Variants in ZNF423 observed in about 807,000 individuals in gnomAD.
The protein encoded by ZNF423 is zinc finger protein 423.
ZNF423 carries 12 observed loss-of-function variants against 95.8 expected under a neutral mutation model. The observed-to-expected ratio is 0.13, with a 90% CI of 0.08 to 0.20. The LOEUF (loss-of-function observed/expected upper bound fraction) is 0.20, where lower values mean the gene tolerates loss of function less well. Among genes scored for constraint, ZNF423 ranks in the 10% least tolerant of loss-of-function variants. ZNF423 has a pLI of 1.00. For missense variants in ZNF423, 1,316 were observed against 1,737.1 expected (o/e 0.76, Z 4.31); for synonymous variants, 749 against 711.9 (o/e 1.05, Z -0.83).
chr16:49,678,019 CT>C (rs2031192435), intron 3 of ZNF423, among the ~76,000 whole-genome samples: 1 of 151,874 alleles, frequency 6.6e-6, no homozygotes, highest in Non-Finnish European at 1.5e-5. Context: ...CCTGTCTCTA[CT>C]AAAAAGACAA....
chr16:49,629,905 A>G (rs11642962), intron 4 of ZNF423, among the ~76,000 whole-genome samples: 3,976 of 152,298 alleles, frequency 0.026, 95 homozygotes, highest in Non-Finnish European at 0.045. Flanking sequence ...TATTACGATT[A>G]TTATTGGCGC....
chr16:49,731,097 C>T lies in ZNF423; in HGVS notation c.101-126G>A, dbSNP rs2033156588. The T allele has an allele frequency of 2.8e-5, 31 of 1,091,464 alleles. No individual in the cohort carries two copies. The South Asian group carries it at 4.7e-4, about 17-fold the overall frequency. The allele number at this position is 1,091,464 out of a possible 1,614,324, so 67.6% of individuals were successfully genotyped here. A position where few individuals can be genotyped will look rare whatever the true frequency, so the allele number is the denominator to read the frequency against. ...ACCTCCCGGGGTCCATTATCCTTGA[C>T]ACCTCTCAGTATATTAATAGATGGG... On this transcript the variant is annotated intron_variant, in intron 2 of 7. Transcript: ENST00000563137.
At chr16:49,794,519 G>A (rs1476340583) in intron 1 of ZNF423, among the ~76,000 whole-genome samples, 1 of 152,164 alleles carries the variant, frequency 6.6e-6, no homozygotes, top group Non-Finnish European at 1.5e-5. Context: ...CTCTGTGCTG[G>A]GGCCAGGCAG....
At chr16:49,613,949 C>T (rs745405789) in intron 5 of ZNF423, among the ~76,000 whole-genome samples, 2 of 151,404 alleles carry the variant, frequency 1.3e-5, no homozygotes, top group Non-Finnish European at 2.9e-5. Context: ...GAAAAATTGA[C>T]AAATCTAATT....
At chr16:49,534,605 G>A (rs1047533716) in intron 5 of ZNF423, among the ~76,000 whole-genome samples, 1 of 152,116 alleles carries the variant, frequency 6.6e-6, no homozygotes, top group East Asian at 1.9e-4. Context: ...CTCAGGCCTG[G>A]TGACATGGCA....
At chr16:49,714,669 C>T (rs909643390) in intron 3 of ZNF423, among the ~76,000 whole-genome samples, 48 of 151,556 alleles carry the variant, frequency 3.2e-4, no homozygotes, top group African/African-American at 1.2e-3. Context: ...TGGCTCACAC[C>T]TGTAATCCCA....
At chr16:49,795,618 C>A (rs529381837) in intron 1 of ZNF423, among the ~76,000 whole-genome samples, 31 of 152,312 alleles carry the variant, frequency 2.0e-4, no homozygotes, top group African/African-American at 7.0e-4. Flanking sequence ...AGTAGCCCTG[C>A]GAGGAGCTCC....
At chr16:49,579,880 C>T (rs1354332797) in intron 5 of ZNF423, among the ~76,000 whole-genome samples, 1 of 152,144 alleles carries the variant, frequency 6.6e-6, no homozygotes, top group African/African-American at 2.4e-5. Context: ...GACCAACACA[C>T]CTTCCTGCCT....
At chr16:49,523,784 C>T in intron 6 of ZNF423, 45 bp from the exon 7 acceptor site, 1 of 1,544,788 alleles carries the variant, frequency 6.5e-7, no homozygotes, top group Non-Finnish European at 8.9e-7. Flanking sequence ...GGACACCAGC[C>T]CAGCCTCCTG....
intron 3 of ZNF423, among the ~76,000 whole-genome samples, chr16:49,662,719 G>T (rs1296375332): frequency 6.6e-6 from 1 of 152,204 alleles, no homozygotes; most frequent in East Asian, 1.9e-4. Flanking sequence ...CAGGTGACAA[G>T]GCGACACTTG....
intron 3 of ZNF423, among the ~76,000 whole-genome samples, chr16:49,698,116 G>T (rs1043171284): frequency 6.6e-6 from 1 of 152,208 alleles, no homozygotes; most frequent in Non-Finnish European, 1.5e-5. Context: ...TTCCCTTCCA[G>T]AGCAAGATCA....
intron 5 of ZNF423, among the ~76,000 whole-genome samples, chr16:49,546,169 T>C (rs1411184510): frequency 6.6e-6 from 1 of 152,220 alleles, no homozygotes; most frequent in Non-Finnish European, 1.5e-5. Flanking sequence ...AAGGTTTTTT[T>C]TAATGATCAA....
intron 3 of ZNF423, among the ~76,000 whole-genome samples, chr16:49,661,440 C>T (rs764648157): frequency 5.3e-5 from 8 of 152,208 alleles, no homozygotes; most frequent in Non-Finnish European, 7.3e-5. Context: ...CTAACCAGGA[C>T]CTGTGAACAA....
intron 2 of ZNF423, among the ~76,000 whole-genome samples, chr16:49,788,741 C>T (rs749351143): frequency 6.6e-5 from 10 of 152,208 alleles, no homozygotes; most frequent in Non-Finnish European, 8.8e-5. Flanking sequence ...GGGATCCCGG[C>T]GCCTGCCGGA....
chr16:49,760,944 A>ACACG lies in ZNF423; in HGVS notation c.100+28539_100+28542dup, dbSNP rs890651558. Among the ~76,000 whole-genome samples the ACACG allele has an allele frequency of 9.9e-5, 15 of 151,924 alleles. 1 individual carries two copies. The highest frequency in any genetic ancestry group is 3.6e-4 in the African/African-American group (15 of 41,332). Reference sequence around the variant, plus strand: ...CACACACACACACACACACGTACACACACGCATACATGCATGCACATGAAC... The same window carrying ACACG: ...CACACACACACACACACACGTACACACACGCACGCATACATGCATGCACATGAAC... On this transcript the variant is annotated intron_variant, in intron 2 of 7. Coordinates refer to ENST00000563137, the MANE Select transcript of ZNF423 (RefSeq NM_001379286.1).
At chr16:49,662,088 G>A (rs539803744) in intron 3 of ZNF423, among the ~76,000 whole-genome samples, 4 of 152,190 alleles carry the variant, frequency 2.6e-5, no homozygotes, top group African/African-American at 4.8e-5. Flanking sequence ...TGAGACCCCC[G>A]CCCTTGGGGA....
chr16:49,498,231 C>T (rs1331442356), intron 7 of ZNF423, among the ~76,000 whole-genome samples: 17 of 152,196 alleles, frequency 1.1e-4, no homozygotes, highest in African/African-American at 3.9e-4. Context: ...CTCTCATCCT[C>T]CCTATTTTAC....
At chr16:49,687,830 G>GC (rs899822724) in intron 3 of ZNF423, among the ~76,000 whole-genome samples, 8 of 151,578 alleles carry the variant, frequency 5.3e-5, no homozygotes, top group Non-Finnish European at 1.2e-4. Context: ...CTTTTTCTCT[G>GC]CCCCCCACAT....
chr16:49,514,229 TACAC>T (rs775427019), intron 7 of ZNF423, among the ~76,000 whole-genome samples: 4 of 139,016 alleles, frequency 2.9e-5, no homozygotes, highest in Non-Finnish European at 6.1e-5. Context: ...CGCACATGCG[TACAC>T]ACACACGCAC....
Sources: gnomAD v4.1 joint callset for allele counts (sites outside exome capture counted in the v4.1 genomes callset) on GRCh38, gnomAD v4.1.1 for gene constraint, MANE v1.5 for transcripts, NCBI Gene and HGNC (gene_info 2026-07-23, HGNC 2026-07-21) for gene names.